Variants in GRIN2A observed in about 807,000 individuals in gnomAD.
The protein encoded by GRIN2A is glutamate receptor ionotropic, NMDA 2A.
A neutral mutation model predicts 113.4 loss-of-function variants in GRIN2A; 22 were observed. That is an observed-to-expected ratio of 0.19 (90% CI 0.14 to 0.28). The LOEUF is 0.28. Among genes scored for constraint, GRIN2A ranks in the 10% least tolerant of loss-of-function variants. GRIN2A has a pLI of 1.00. For synonymous variants in GRIN2A, 827 were observed against 738.4 expected (o/e 1.12, Z -1.94); for missense variants, 1,502 against 1,887.0 (o/e 0.80, Z 3.78).
chr16:9,928,243 C>G (rs1264632321), intron 3 of GRIN2A, among the ~76,000 whole-genome samples: 1 of 152,156 alleles, frequency 6.6e-6, no homozygotes. Context: ...GAGACAAAGG[C>G]AGAGAACAGG....
intron 2 of GRIN2A, among the ~76,000 whole-genome samples, chr16:10,071,382 T>C (rs1222008982): frequency 6.6e-6 from 1 of 152,202 alleles, no homozygotes; most frequent in Non-Finnish European, 1.5e-5. Flanking sequence ...GTCTGTACTC[T>C]TAAAACTGCA....
At chr16:10,063,747 T>G (rs887825570) in intron 2 of GRIN2A, among the ~76,000 whole-genome samples, 1 of 152,162 alleles carries the variant, frequency 6.6e-6, no homozygotes, top group East Asian at 1.9e-4. Flanking sequence ...AAAATCCTCC[T>G]AAAAACAGTG....
intron 4 of GRIN2A, among the ~76,000 whole-genome samples, chr16:9,853,363 A>T (rs2042916689): frequency 6.6e-6 from 1 of 152,178 alleles, no homozygotes; most frequent in South Asian, 2.1e-4. Context: ...TTAGGTCATG[A>T]AGGTGGAGCC....
At chr16:10,085,239 T>A (rs1431818208) in intron 2 of GRIN2A, among the ~76,000 whole-genome samples, 1 of 151,632 alleles carries the variant, frequency 6.6e-6, no homozygotes, top group African/African-American at 2.4e-5. Context: ...GGCTGGGGAG[T>A]GTAGCATCCA....
intron 8 of GRIN2A, among the ~76,000 whole-genome samples, chr16:9,831,052 T>C (rs2042483074): frequency 6.6e-6 from 1 of 152,182 alleles, no homozygotes; most frequent in African/African-American, 2.4e-5. Context: ...CATATAACTT[T>C]TCCCATAAAG....
chr16:9,808,124 T>G (rs1265116604), intron 10 of GRIN2A, among the ~76,000 whole-genome samples: 1 of 152,214 alleles, frequency 6.6e-6, no homozygotes, highest in Non-Finnish European at 1.5e-5. Context: ...TTTATAATAT[T>G]AGAAAGATGG....
intron 2 of GRIN2A, among the ~76,000 whole-genome samples, chr16:10,128,047 A>C (rs895627941): frequency 2.0e-5 from 3 of 152,122 alleles, no homozygotes. Flanking sequence ...GACCCCAAAA[A>C]AGACTCTGCA....
chr16:10,054,280 T>C (rs1596465500), intron 2 of GRIN2A, among the ~76,000 whole-genome samples: 1 of 152,122 alleles, frequency 6.6e-6, no homozygotes, highest in Non-Finnish European at 1.5e-5. Flanking sequence ...AAAACCCAAA[T>C]GGCCAATAAA....
rs1900365574 is a variant in GRIN2A, at chr16:9,756,777, A to C, written c.*6372T>G. On this transcript the variant is annotated 3_prime_UTR_variant, in exon 13 of 13. Transcript: ENST00000330684. ...TGGCAAGTACTTGCGATAAGCAGAA[A>C]ATGTAACATTCCAAGAATGCACAGA... 1 of 182,428 alleles carries C rather than the reference A, an allele frequency of 5.5e-6. No individual in the cohort carries two copies. The highest frequency in any genetic ancestry group is 2.4e-5 in the African/African-American group (1 of 42,494). 11.3% of individuals were successfully genotyped at this position (182,428 alleles called of 1,614,324 possible).
intron 5 of GRIN2A, among the ~76,000 whole-genome samples, chr16:9,843,579 T>C (rs2141352827): frequency 6.6e-6 from 1 of 152,336 alleles, no homozygotes; most frequent in Non-Finnish European, 1.5e-5. Flanking sequence ...GATCACAGAC[T>C]GCCTGTCTTG....
chr16:10,000,789 T>C (rs1431443756), intron 2 of GRIN2A, among the ~76,000 whole-genome samples: 1 of 152,212 alleles, frequency 6.6e-6, no homozygotes, highest in Non-Finnish European at 1.5e-5. Flanking sequence ...ATTTATTTAT[T>C]TTTCTATTTC....
chr16:9,945,999 T>C (rs1332032200), intron 2 of GRIN2A, among the ~76,000 whole-genome samples: 1 of 152,140 alleles, frequency 6.6e-6, no homozygotes, highest in African/African-American at 2.4e-5. Flanking sequence ...AACACATAAA[T>C]GCATGGAGAA....
intron 2 of GRIN2A, among the ~76,000 whole-genome samples, chr16:10,146,164 C>T (rs925380965): frequency 8.5e-5 from 13 of 152,162 alleles, no homozygotes; most frequent in African/African-American, 3.1e-4. Flanking sequence ...GTCGCCCAGA[C>T]TGGAGTGCAG....
intron 5 of GRIN2A, among the ~76,000 whole-genome samples, chr16:9,842,232 CAA>C (rs1567338865): frequency 6.8e-6 from 1 of 148,038 alleles, no homozygotes; most frequent in Admixed American, 6.7e-5. Context: ...GCCTGGGTGA[CAA>C]GAGTGAAACT....
intron 2 of GRIN2A, among the ~76,000 whole-genome samples, chr16:10,118,329 T>G (rs891333552): frequency 6.6e-6 from 1 of 152,180 alleles, no homozygotes; most frequent in Non-Finnish European, 1.5e-5. Flanking sequence ...CTCTGGCTAA[T>G]AAAGGGAACT....
intron 2 of GRIN2A, among the ~76,000 whole-genome samples, chr16:9,941,642 T>A (rs2044879301): frequency 6.6e-6 from 1 of 152,106 alleles, no homozygotes; most frequent in Non-Finnish European, 1.5e-5. Flanking sequence ...ACTACCCAGC[T>A]CCAATCCTCA....
At chr16:9,805,230 CAA>C (rs1450910546) in intron 10 of GRIN2A, among the ~76,000 whole-genome samples, 2 of 152,172 alleles carry the variant, frequency 1.3e-5, no homozygotes, top group Non-Finnish European at 2.9e-5. Flanking sequence ...ATTTCCTAAT[CAA>C]AAGTTTCCGG....
chr16:10,028,627 C>T (rs1011629355), intron 2 of GRIN2A, among the ~76,000 whole-genome samples: 1 of 152,206 alleles, frequency 6.6e-6, no homozygotes, highest in Non-Finnish European at 1.5e-5. Context: ...TGAAGAGAAG[C>T]TGCCTGCTGA....
At chr16:9,809,443 C>T (rs1467666047) in intron 10 of GRIN2A, among the ~76,000 whole-genome samples, 1 of 152,026 alleles carries the variant, frequency 6.6e-6, no homozygotes, top group Non-Finnish European at 1.5e-5. Flanking sequence ...AAAACAAAAA[C>T]ATATGCAAAT....
Sources: allele counts gnomAD v4.1 joint callset (sites outside exome capture counted in the v4.1 genomes callset), GRCh38; gene constraint gnomAD v4.1.1; transcripts MANE v1.5; gene names NCBI Gene and HGNC (gene_info 2026-07-23, HGNC 2026-07-21).